The following KSR2 variants were observed in gnomAD, a reference collection of about 807,000 sequenced individuals.
KSR2 encodes kinase suppressor of ras 2.
Under a neutral mutation model 107.8 loss-of-function variants are expected in KSR2, and 25 were observed. The observed-to-expected ratio is 0.23, with a 90% CI of 0.17 to 0.32. The LOEUF is 0.32. Among genes scored for constraint, KSR2 ranks in the 10% least tolerant of loss-of-function variants. The pLI is 1.00. For missense variants in KSR2, 887 were observed against 1,268.9 expected (o/e 0.70, Z 4.57); for synonymous variants, 480 against 507.0 (o/e 0.95, Z 0.71).
chr12:117,671,072 CCTGGGG>C (rs1884886488), intron 4 of KSR2, among the ~76,000 whole-genome samples: 1 of 152,168 alleles, frequency 6.6e-6, no homozygotes, highest in South Asian at 2.1e-4. Context: ...TTGGTCTGGC[CCTGGGG>C]CCTTCTCACT....
chr12:117,683,271 G>GA (rs1885444234), intron 4 of KSR2, among the ~76,000 whole-genome samples: 5 of 151,316 alleles, frequency 3.3e-5, no homozygotes, highest in Non-Finnish European at 5.9e-5. Flanking sequence ...TTTGTCAAAG[G>GA]AAAAAAATTC....
chr12:117,578,623 A>AAG (rs1565909598), intron 7 of KSR2, among the ~76,000 whole-genome samples: 6 of 150,942 alleles, frequency 4.0e-5, no homozygotes, highest in Non-Finnish European at 8.8e-5. Flanking sequence ...AAAAAAAAAA[A>AAG]AGAGACAGAG....
chr12:117,738,684 G>T (rs925801267), intron 4 of KSR2, among the ~76,000 whole-genome samples: 1 of 152,020 alleles, frequency 6.6e-6, no homozygotes, highest in African/African-American at 2.4e-5. Context: ...AGACCAGCCT[G>T]GCCAACACAG....
intron 3 of KSR2, among the ~76,000 whole-genome samples, chr12:117,792,525 C>T (rs1198258835): frequency 6.6e-6 from 1 of 152,152 alleles, no homozygotes; most frequent in Non-Finnish European, 1.5e-5. Context: ...ACAAGGGATC[C>T]TACATGCAAA....
intron 3 of KSR2, among the ~76,000 whole-genome samples, chr12:117,796,641 G>A (rs1890639780): frequency 6.6e-6 from 1 of 152,172 alleles, no homozygotes. Context: ...CCAAGGCTCA[G>A]TTTCCTCAGC....
At chr12:117,699,443 C>A (rs1886210413) in intron 4 of KSR2, among the ~76,000 whole-genome samples, 1 of 152,112 alleles carries the variant, frequency 6.6e-6, no homozygotes, top group Non-Finnish European at 1.5e-5. Context: ...TGTACTTATA[C>A]AAATCTAGGT....
chr12:117,627,341 G>C (rs1189825705), intron 5 of KSR2, among the ~76,000 whole-genome samples: 1 of 152,182 alleles, frequency 6.6e-6, no homozygotes, highest in Non-Finnish European at 1.5e-5. Context: ...GCTGGTACCA[G>C]TTACTTCTTT....
intron 3 of KSR2, among the ~76,000 whole-genome samples, chr12:117,806,129 G>A (rs1593256307): frequency 6.6e-6 from 1 of 152,170 alleles, no homozygotes; most frequent in African/African-American, 2.4e-5. Context: ...ACAACGTCCG[G>A]CATTTCCTAA....
chr12:117,842,292 G>A lies in KSR2; in HGVS notation c.472+13136C>T, dbSNP rs533672344. 6.6e-6 allele frequency among the ~76,000 whole-genome samples: 1 copy of A among 152,368 alleles called. No individual in the cohort carries two copies. The highest frequency in any genetic ancestry group is 2.1e-4 in the South Asian group (1 of 4,830). On this transcript the variant is annotated intron_variant, in intron 3 of 19. Coordinates refer to ENST00000339824, the MANE Select transcript of KSR2 (RefSeq NM_173598.6). This position sits in a 1 kb window ranked among gnomAD's most constrained non-coding sequence, Gnocchi z 4.2. ...CAGGATGGAAGTGGGACTCTGAGAAGCTGGCAGTTGGGCTGAGTCCAAAAT... is the reference window on the plus strand; with the variant it reads ...CAGGATGGAAGTGGGACTCTGAGAAACTGGCAGTTGGGCTGAGTCCAAAAT...
chr12:117,905,641 A>G (rs1331811041), intron 1 of KSR2, among the ~76,000 whole-genome samples: 1 of 152,208 alleles, frequency 6.6e-6, no homozygotes, highest in African/African-American at 2.4e-5. Flanking sequence ...CTGTGATTGT[A>G]TCTGCTTCCC....
chr12:117,930,658 A>G (rs1397151823), intron 1 of KSR2, among the ~76,000 whole-genome samples: 1 of 152,172 alleles, frequency 6.6e-6, no homozygotes, highest in Non-Finnish European at 1.5e-5. Flanking sequence ...GCTCATGCCT[A>G]TATTCCCAGT....
At chr12:117,753,716 A>G (rs930760320) in intron 4 of KSR2, among the ~76,000 whole-genome samples, 2 of 151,966 alleles carry the variant, frequency 1.3e-5, no homozygotes, top group African/African-American at 4.8e-5. Context: ...TATGGCTACT[A>G]GGCACCTGGG....
chr12:117,582,923 A>T (rs1879755756), intron 5 of KSR2, among the ~76,000 whole-genome samples: 1 of 152,228 alleles, frequency 6.6e-6, no homozygotes, highest in Admixed American at 6.5e-5. Flanking sequence ...GCCTCTGTAC[A>T]ACTGCCAAGT....
intron 7 of KSR2, among the ~76,000 whole-genome samples, chr12:117,567,336 G>A (rs1171581731): frequency 6.6e-6 from 1 of 152,082 alleles, no homozygotes; most frequent in South Asian, 2.1e-4. Context: ...CAATGAGTGG[G>A]CACATGACCT....
intron 4 of KSR2, among the ~76,000 whole-genome samples, chr12:117,682,953 G>A (rs1180654517): frequency 2.0e-5 from 3 of 152,072 alleles, no homozygotes; most frequent in Admixed American, 6.6e-5. Context: ...AGTGTGTTAG[G>A]GGTGAGAGGC....
chr12:117,947,217 G>A (rs1593394471), intron 1 of KSR2, among the ~76,000 whole-genome samples: 1 of 91,870 alleles, frequency 1.1e-5, no homozygotes, highest in Non-Finnish European at 2.1e-5. Flanking sequence ...AAGAAAGAAA[G>A]AAAGAAAGAA....
At chr12:117,845,133 G>C (rs746565472) in intron 3 of KSR2, among the ~76,000 whole-genome samples, 6 of 152,178 alleles carry the variant, frequency 3.9e-5, no homozygotes, top group African/African-American at 7.2e-5. Context: ...GCGACAGAGC[G>C]AGACTCCAAC....
At chr12:117,854,609 A>G (rs528853802) in intron 3 of KSR2, among the ~76,000 whole-genome samples, 5 of 152,272 alleles carry the variant, frequency 3.3e-5, no homozygotes, top group African/African-American at 9.6e-5. Flanking sequence ...TGTGGTGGGA[A>G]CTGCAACAAC....
chr12:117,895,284 A>G (rs1894477549), intron 1 of KSR2, among the ~76,000 whole-genome samples: 2 of 152,082 alleles, frequency 1.3e-5, no homozygotes, highest in African/African-American at 4.8e-5. Flanking sequence ...GCCTCCACAC[A>G]AACATTGTGC....
Sources: gnomAD v4.1 joint callset for allele counts (sites outside exome capture counted in the v4.1 genomes callset) on GRCh38, gnomAD v4.1.1 for gene constraint, Gnocchi (gnomAD v3.1) non-coding constraint, MANE v1.5 for transcripts, NCBI Gene and HGNC (gene_info 2026-07-23, HGNC 2026-07-21) for gene names.